The following INPP4B variants were observed in gnomAD, a reference collection of about 807,000 sequenced individuals.
INPP4B encodes inositol polyphosphate 4-phosphatase type II.
INPP4B carries 55 observed loss-of-function variants against 122.5 expected under a neutral mutation model. The ratio of observed to expected loss-of-function variants is 0.45; its 90% CI spans 0.36 to 0.56. The LOEUF (loss-of-function observed/expected upper bound fraction) is 0.56. INPP4B is among the 20% of genes least tolerant of loss of function. The pLI is 0.00. For synonymous variants in INPP4B, 403 were observed against 388.7 expected (o/e 1.04, Z -0.43); for missense variants, 1,000 against 1,097.7 (o/e 0.91, Z 1.26).
intron 14 of INPP4B, 76 bp from the exon 15 acceptor site, chr4:142,193,271 C>T: frequency 1.3e-6 from 1 of 793,342 alleles, no homozygotes; most frequent in Admixed American, 2.0e-5. Context: ...TTGAAGCATA[C>T]CTATTGTAGG....
intron 25 of INPP4B, among the ~76,000 whole-genome samples, chr4:142,043,755 G>A (rs766833500): frequency 1.6e-4 from 24 of 152,186 alleles, no homozygotes; most frequent in Non-Finnish European, 3.4e-4. Flanking sequence ...TGTTGTAAAT[G>A]TTTGTGGTTG....
At chr4:142,043,177 A>C (rs550599335) in intron 25 of INPP4B, among the ~76,000 whole-genome samples, 1 of 152,068 alleles carries the variant, frequency 6.6e-6, no homozygotes, top group East Asian at 1.9e-4. Flanking sequence ...TTTTCTCTTT[A>C]ATTCCACTCT....
At position 142,411,832 on chromosome 4, in the gene INPP4B, C is replaced by T. The variant is rs184164325; in HGVS notation, c.137-6508G>A. The stretch of plus-strand genomic sequence containing the variant: ...ACTTGAACCAGGGAGGCAGAGATTG[C>T]AGTGAGCTGAGATTGCACCACTGCA... On this transcript the variant is annotated intron_variant, in intron 5 of 25. Transcript: ENST00000262992. Among the ~76,000 whole-genome samples the T allele has an allele frequency of 4.4e-3, 668 of 152,288 alleles. 4 individuals carry two copies. Among genetic ancestry groups the T allele is most frequent in the African/African-American group, 0.016 (654 of 41,556 alleles).
intron 1 of INPP4B, among the ~76,000 whole-genome samples, chr4:142,837,159 A>AAATAATAAT (rs150797757): frequency 0.035 from 5,216 of 149,016 alleles, 337 homozygotes; most frequent in African/African-American, 0.13. Context: ...ACAGTCTCAA[A>AAATAATAAT]AATAATAATA....
intron 2 of INPP4B, among the ~76,000 whole-genome samples, chr4:142,635,355 TG>T (rs1476889362): frequency 1.3e-5 from 2 of 152,202 alleles, no homozygotes; most frequent in Non-Finnish European, 2.9e-5. Flanking sequence ...ATCCCATTAC[TG>T]GGTATATACC....
intron 2 of INPP4B, among the ~76,000 whole-genome samples, chr4:142,622,812 T>C (rs1426557229): frequency 6.6e-6 from 1 of 151,980 alleles, no homozygotes; most frequent in African/African-American, 2.4e-5. Flanking sequence ...ACATTTTGAG[T>C]CCTGTACTAC....
chr4:142,691,847 A>C (rs1760233075), intron 2 of INPP4B, among the ~76,000 whole-genome samples: 1 of 152,158 alleles, frequency 6.6e-6, no homozygotes, highest in Admixed American at 6.5e-5. Flanking sequence ...TCCACTTCTG[A>C]GTCTGCCACT....
rs1248522194 is a variant in INPP4B, at chr4:142,398,202, C to T, written c.372+4736G>A. On this transcript the variant is annotated intron_variant, in intron 7 of 25. Coordinates refer to ENST00000262992, the MANE Select transcript of INPP4B (RefSeq NM_001101669.3). ...CATCCTGGCTAACACGGTGAAACCC[C>T]GTCTCTACTAAAGATACAAAAAAAT... Among the ~76,000 whole-genome samples the T allele has an allele frequency of 2.7e-5, 4 of 150,626 alleles. No homozygotes were observed. In the East Asian group the frequency reaches 7.9e-4, roughly 30 times the overall value.
intron 18 of INPP4B, among the ~76,000 whole-genome samples, chr4:142,128,583 CCTT>C (rs1231836226): frequency 6.6e-6 from 1 of 152,122 alleles, no homozygotes. Context: ...TGCTGAGACT[CCTT>C]AACCCTGAGA....
chr4:142,496,724 G>T (rs1347497254), intron 2 of INPP4B, among the ~76,000 whole-genome samples: 1 of 152,120 alleles, frequency 6.6e-6, no homozygotes, highest in African/African-American at 2.4e-5. Flanking sequence ...TTTAACTCCA[G>T]CTATAGGAAA....
chr4:142,498,326 C>T (rs1173305977), intron 2 of INPP4B, among the ~76,000 whole-genome samples: 1 of 151,686 alleles, frequency 6.6e-6, no homozygotes, highest in Non-Finnish European at 1.5e-5. Context: ...ATCTACCAAC[C>T]CCTACCCATA....
chr4:142,505,541 G>C (rs1240450755), intron 2 of INPP4B, among the ~76,000 whole-genome samples: 1 of 148,968 alleles, frequency 6.7e-6, no homozygotes, highest in African/African-American at 2.5e-5. Flanking sequence ...CACGAAGTAA[G>C]ATTGTGAAAA....
intron 1 of INPP4B, among the ~76,000 whole-genome samples, chr4:142,812,214 C>G (rs779705887): frequency 6.6e-6 from 1 of 152,100 alleles, no homozygotes; most frequent in African/African-American, 2.4e-5. Flanking sequence ...ATATATCTAC[C>G]AGCATGCACC....
intron 18 of INPP4B, among the ~76,000 whole-genome samples, chr4:142,135,866 C>T (rs550163607): frequency 2.6e-4 from 39 of 152,064 alleles, no homozygotes; most frequent in Non-Finnish European, 2.8e-4. Flanking sequence ...GTGCGATCTC[C>T]GCTCACTGCT....
intron 7 of INPP4B, among the ~76,000 whole-genome samples, chr4:142,321,816 A>G (rs1427963532): frequency 1.3e-5 from 2 of 149,988 alleles, no homozygotes; most frequent in African/African-American, 4.9e-5. Flanking sequence ...TTATACCAGT[A>G]CCATGCTGTT....
intron 21 of INPP4B, among the ~76,000 whole-genome samples, chr4:142,114,824 G>A (rs946269892): frequency 2.3e-4 from 35 of 151,782 alleles, no homozygotes; most frequent in Non-Finnish European, 4.4e-5. Context: ...TTTGTGTCAT[G>A]TCTAAGAACT....
intron 12 of INPP4B, among the ~76,000 whole-genome samples, chr4:142,230,647 A>C (rs1445189382): frequency 7.5e-6 from 1 of 132,574 alleles, no homozygotes; most frequent in Non-Finnish European, 1.5e-5. Flanking sequence ...CCACCTCAAA[A>C]AAAAAAAAAA....
At chr4:142,361,585 T>C (rs768010021) in intron 7 of INPP4B, among the ~76,000 whole-genome samples, 4 of 151,932 alleles carry the variant, frequency 2.6e-5, no homozygotes, top group Non-Finnish European at 5.9e-5. Flanking sequence ...TATTATTGCT[T>C]AAAGAGGCTT....
chr4:142,353,705 T>C (rs1782683600), intron 7 of INPP4B, among the ~76,000 whole-genome samples: 1 of 152,036 alleles, frequency 6.6e-6, no homozygotes, highest in Admixed American at 6.6e-5. Flanking sequence ...TACAAAGGAA[T>C]ATTTGGCTTT....
Sources: gnomAD v4.1 joint callset for allele counts (sites outside exome capture counted in the v4.1 genomes callset) on GRCh38, gnomAD v4.1.1 for gene constraint, MANE v1.5 for transcripts, NCBI Gene and HGNC (gene_info 2026-07-23, HGNC 2026-07-21) for gene names.